DLEU7: variants seen among roughly 807,000 people sequenced by gnomAD.
DLEU7 encodes the protein deleted in lymphocytic leukemia 7.
Under a neutral mutation model 16.0 loss-of-function variants are expected in DLEU7, and 17 were observed. The observed-to-expected ratio is 1.06, with a 90% CI of 0.73 to 1.59. The LOEUF (loss-of-function observed/expected upper bound fraction) is 1.59. DLEU7 is among the 40% of genes most tolerant of loss of function. The pLI is 0.00. For synonymous variants in DLEU7, 113 were observed against 139.8 expected (o/e 0.81, Z 1.35); for missense variants, 308 against 314.9 (o/e 0.98, Z 0.17).
chr13:50,823,674 C>A (rs1876989283), intron 1 of DLEU7, among the ~76,000 whole-genome samples, 154 bp from the exon 2 acceptor site: 1 of 152,146 alleles, frequency 6.6e-6, no homozygotes, highest in African/African-American at 2.4e-5. Flanking sequence ...TTAGCCTATG[C>A]AGTTGGACCA....
At chr13:50,748,085 A>AAT (rs1177541441) in intron 1 of DLEU7, among the ~76,000 whole-genome samples, 1 of 152,240 alleles carries the variant, frequency 6.6e-6, no homozygotes, top group African/African-American at 2.4e-5. Context: ...AACAGAAATT[A>AAT]ATAAGACTCC....
intron 1 of DLEU7, among the ~76,000 whole-genome samples, chr13:50,810,471 A>T (rs1876533773): frequency 6.6e-6 from 1 of 152,136 alleles, no homozygotes; most frequent in African/African-American, 2.4e-5. Context: ...TAATACCAAA[A>T]GGGAAAGGCA....
Position 50,843,453 on chromosome 13 carries a change from CGCCCGGGCCCCGGCCGGGCCCGCG to C in DLEU7, c.170_193del (p.Pro57_Gly64del). On this transcript the variant is annotated inframe_deletion, in exon 1 of 2. Coordinates refer to ENST00000504404, the MANE Select transcript of DLEU7 (RefSeq NM_001306135.2). The surrounding 1 kb of genome is among the most constrained non-coding windows in gnomAD (Gnocchi z 5.7). The stretch of plus-strand genomic sequence containing the variant: ...CCCCACGCCCCCGCCCCGCTCCTCG[CGCCCGGGCCCCGGCCGGGCCCGCG>C]GCGGGCCTGAGCGACGGGCTGGAGC... The C allele has an allele frequency of 7.6e-7, 1 of 1,321,204 alleles. No homozygotes were observed. Among genetic ancestry groups the C allele is most frequent in the East Asian group, 3.1e-5 (1 of 31,872 alleles). 81.8% of individuals were successfully genotyped at this position (1,321,204 alleles called of 1,614,324 possible).
At chr13:50,794,960 T>C (rs7997446) in intron 1 of DLEU7, among the ~76,000 whole-genome samples, 63,875 of 150,786 alleles carry the variant, frequency 0.42, 13,790 homozygotes, top group African/African-American at 0.52. Flanking sequence ...TATAATTATA[T>C]ATTATTACAA....
rs184395259 is a variant in DLEU7 at position 50,805,080 on chromosome 13, G to A, written c.459+38108C>T. Among the ~76,000 whole-genome samples, 534 of 151,980 alleles carry A rather than the reference G, an allele frequency of 3.5e-3. 3 individuals are homozygous for A. The highest frequency in any genetic ancestry group is 0.012 in the African/African-American group (498 of 41,454). On this transcript the variant is annotated intron_variant, in intron 1 of 1. Transcript: ENST00000400393. ...CATTGCTTAGGATGTCTAGATCAAC[G>A]TCTATGAATAGTTGTGGTAGTAGAC... is the stretch of plus-strand genomic sequence containing the variant.
intron 1 of DLEU7, among the ~76,000 whole-genome samples, chr13:50,835,004 G>A (rs1877405437): frequency 7.4e-6 from 1 of 135,460 alleles, no homozygotes. Flanking sequence ...GAGACCACAT[G>A]TACACAGGGA....
At chr13:50,774,181 C>T (rs1217614350) in intron 1 of DLEU7, among the ~76,000 whole-genome samples, 1 of 152,130 alleles carries the variant, frequency 6.6e-6, no homozygotes, top group African/African-American at 2.4e-5. Flanking sequence ...TCACAGCTTC[C>T]CTTGGCTAGG....
Position 50,822,945 on chromosome 13 carries a change from A to G in DLEU7, c.*369T>C, listed in dbSNP as rs1876959413. 5.2e-6 allele frequency: 5 copies of G among 965,180 alleles called. No homozygotes were observed. The highest frequency in any genetic ancestry group is 4.9e-6 in the Non-Finnish European group (4 of 808,230). The allele number at this position is 965,180 out of a possible 1,614,324, so 59.8% of individuals were successfully genotyped here. ...TGGAACTTTAATTATATAAATAACC[A>G]CATTAAACCCTTTAGACCTACATTA... is the stretch of plus-strand genomic sequence containing the variant. On this transcript the variant is annotated 3_prime_UTR_variant, in exon 2 of 2. Transcript: ENST00000504404.
chr13:50,776,641 C>T (rs1875505170), intron 1 of DLEU7, among the ~76,000 whole-genome samples: 1 of 152,178 alleles, frequency 6.6e-6, no homozygotes, highest in Non-Finnish European at 1.5e-5. Flanking sequence ...GAAACTACCT[C>T]ACCCCCAAAT....
At chr13:50,720,618 C>T (rs2137706076) in intron 1 of DLEU7, among the ~76,000 whole-genome samples, 1 of 152,290 alleles carries the variant, frequency 6.6e-6, no homozygotes, top group African/African-American at 2.4e-5. Context: ...AAACTAAATT[C>T]TATCCTAATA....
chr13:50,753,541 G>A (rs1008775646), intron 1 of DLEU7, among the ~76,000 whole-genome samples: 1 of 152,230 alleles, frequency 6.6e-6, no homozygotes, highest in Non-Finnish European at 1.5e-5. Flanking sequence ...CTCCACAGCC[G>A]CTGGCCCGGT....
At chr13:50,786,108 G>A (rs924838318) in intron 1 of DLEU7, among the ~76,000 whole-genome samples, 2 of 152,152 alleles carry the variant, frequency 1.3e-5, no homozygotes, top group Non-Finnish European at 2.9e-5. Flanking sequence ...TTTTGCTTGT[G>A]TGGTTTTACT....
At chr13:50,792,205 T>C (rs1204324472) in intron 1 of DLEU7, among the ~76,000 whole-genome samples, 1 of 152,232 alleles carries the variant, frequency 6.6e-6, no homozygotes, top group Non-Finnish European at 1.5e-5. Flanking sequence ...TGCCAGTATT[T>C]TGTGTCAAAT....
At chr13:50,826,318 G>T (rs901975242) in intron 1 of DLEU7, among the ~76,000 whole-genome samples, 1 of 152,080 alleles carries the variant, frequency 6.6e-6, no homozygotes, top group Non-Finnish European at 1.5e-5. Context: ...AGTGATTAAA[G>T]ATATAGAAGA....
chr13:50,800,840 T>G (rs1287143708), intron 1 of DLEU7, among the ~76,000 whole-genome samples: 1 of 152,156 alleles, frequency 6.6e-6, no homozygotes. Flanking sequence ...CCTCTTGGAC[T>G]TTTCTGTCTC....
At chr13:50,772,981 C>T (rs1347758936) in intron 1 of DLEU7, among the ~76,000 whole-genome samples, 2 of 152,032 alleles carry the variant, frequency 1.3e-5, no homozygotes, top group Non-Finnish European at 2.9e-5. Context: ...ACTCTTTTTT[C>T]TCTAAACTTC....
At chr13:50,843,710 C>T (rs1350905600), upstream of DLEU7, 1 of 1,470,104 alleles carries the variant, frequency 6.8e-7, no homozygotes, top group Non-Finnish European at 8.9e-7. The surrounding 1 kb of genome is among the most constrained non-coding windows in gnomAD (Gnocchi z 5.7). Context: ...GAGGCGGGGG[C>T]GTTGGGGTCG....
intron 1 of DLEU7, among the ~76,000 whole-genome samples, chr13:50,732,446 T>C (rs1403499331): frequency 2.0e-5 from 3 of 151,612 alleles, no homozygotes; most frequent in African/African-American, 7.3e-5. Flanking sequence ...CCATGTCTAA[T>C]AAAAATACAA....
At chr13:50,831,526 A>G (rs1461258799) in intron 1 of DLEU7, among the ~76,000 whole-genome samples, 1 of 152,204 alleles carries the variant, frequency 6.6e-6, no homozygotes, top group East Asian at 1.9e-4. Context: ...AAAGAATAGA[A>G]TTTTGTGTTG....
Sources: allele counts gnomAD v4.1 joint callset (sites outside exome capture counted in the v4.1 genomes callset), GRCh38; gene constraint gnomAD v4.1.1; non-coding constraint Gnocchi (gnomAD v3.1); transcripts MANE v1.5; gene names NCBI Gene and HGNC (gene_info 2026-07-23, HGNC 2026-07-21).